The following OR14L1 variants were observed in gnomAD, a reference collection of about 807,000 sequenced individuals.
The protein encoded by OR14L1 is olfactory receptor family 14 subfamily L member 1.
the OR14L1 span, among the ~76,000 whole-genome samples, chr1:247,619,038 T>C: frequency 1.9e-3 from 294 of 152,320 alleles, 2 homozygotes; most frequent in African/African-American, 6.9e-3. Context: ...AATCTTTTAC[T>C]ATAAGAGCCA....
chr1:247,621,489 A>C, the OR14L1 span: 1 of 152,230 alleles, frequency 6.6e-6, no homozygotes, highest in East Asian at 1.9e-4. Flanking sequence ...ATGTGGAATG[A>C]TTAAATCAGG....
At chr1:247,617,247 C>T in the OR14L1 span, 2 of 152,162 alleles carry the variant, frequency 1.3e-5, no homozygotes, top group Non-Finnish European at 2.9e-5. Context: ...AACTTGGAGG[C>T]TACAGCCACA....
the OR14L1 span, chr1:247,620,875 TTAATA>T: frequency 4.3e-4 from 65 of 152,146 alleles, no homozygotes; most frequent in African/African-American, 1.5e-3. Context: ...AACATATTAA[TTAATA>T]TAAAAGTGAA....
At chr1:247,620,930 A>G in the OR14L1 span, 1 of 152,290 alleles carries the variant, frequency 6.6e-6, no homozygotes, top group African/African-American at 2.4e-5. Context: ...GTGTATATTA[A>G]TTACAGCAGA....
chr1:247,620,539 C>T, the OR14L1 span: 1 of 152,256 alleles, frequency 6.6e-6, no homozygotes, highest in Non-Finnish European at 1.5e-5. Context: ...GAAGGCAGCC[C>T]TGAGAAGGCA....
the OR14L1 span, chr1:247,621,124 T>C: frequency 2.0e-5 from 3 of 152,124 alleles, no homozygotes; most frequent in African/African-American, 7.2e-5. Flanking sequence ...GGTTCACATA[T>C]GTTTATGGTG....
the OR14L1 span, chr1:247,619,536 C>A: frequency 2.6e-5 from 4 of 152,004 alleles, no homozygotes; most frequent in African/African-American, 9.7e-5. Context: ...ATATGAGTAA[C>A]CTTATAATTA....
chr1:247,619,057 G>T, the OR14L1 span, among the ~76,000 whole-genome samples: 1 of 152,092 alleles, frequency 6.6e-6, no homozygotes, highest in East Asian at 1.9e-4. Flanking sequence ...CAACCATTGT[G>T]CTTTTTACGT....
chr1:247,617,150 T>G, the OR14L1 span: 1 of 152,222 alleles, frequency 6.6e-6, no homozygotes, highest in African/African-American at 2.4e-5. Context: ...TTACAAATAT[T>G]GAATCACAGC....
At chr1:247,620,386 C>T in the OR14L1 span, 2 of 152,154 alleles carry the variant, frequency 1.3e-5, no homozygotes, top group Non-Finnish European at 2.9e-5. Context: ...GGTTGTAACA[C>T]TCTTTATGAT....
chr1:247,618,029 A>G, the OR14L1 span, among the ~76,000 whole-genome samples: 111 of 152,244 alleles, frequency 7.3e-4, no homozygotes, highest in African/African-American at 2.5e-3. Flanking sequence ...TAGATTCCCA[A>G]GATGAAGTTG....
At chr1:247,619,383 C>A in the OR14L1 span, among the ~76,000 whole-genome samples, 1 of 152,066 alleles carries the variant, frequency 6.6e-6, no homozygotes, top group African/African-American at 2.4e-5. Flanking sequence ...TGAGGTTATT[C>A]ATTCTCCCTT....
At chr1:247,622,197 G>A in the OR14L1 span, 8 of 152,102 alleles carry the variant, frequency 5.3e-5, no homozygotes, top group East Asian at 1.9e-4. Flanking sequence ...CTCACTTCAC[G>A]TCTGTGTGTC....
At chr1:247,622,232 T>G in the OR14L1 span, 1 of 152,194 alleles carries the variant, frequency 6.6e-6, no homozygotes, top group East Asian at 1.9e-4. Context: ...CTCACAATAT[T>G]TCAAACTTTT....
At chr1:247,617,707 TGTGC>T in the OR14L1 span, among the ~76,000 whole-genome samples, 684 of 143,538 alleles carry the variant, frequency 4.8e-3, 9 homozygotes, top group African/African-American at 7.5e-3. Flanking sequence ...TGTGTGTGTG[TGTGC>T]GTGTGTGTGT....
chr1:247,617,711 C>CGTGTGT, the OR14L1 span, among the ~76,000 whole-genome samples: 1 of 144,670 alleles, frequency 6.9e-6, no homozygotes, highest in Admixed American at 6.8e-5. Context: ...TGTGTGTGTG[C>CGTGTGT]GTGTGTGTGT....
At chr1:247,619,625 G>T in the OR14L1 span, 1 of 152,036 alleles carries the variant, frequency 6.6e-6, no homozygotes, top group African/African-American at 2.4e-5. Context: ...TCTTTAGGAA[G>T]AAATGGAACG....
chr1:247,620,981 A>C, the OR14L1 span: 1 of 152,190 alleles, frequency 6.6e-6, no homozygotes, highest in Non-Finnish European at 1.5e-5. Flanking sequence ...TGGAAAATAA[A>C]CATAAGGTAA....
chr1:247,620,789 T>C, the OR14L1 span: 1 of 152,158 alleles, frequency 6.6e-6, no homozygotes, highest in African/African-American at 2.4e-5. Context: ...TTCAAAACAT[T>C]AGAACTTGTG....
Sources: gnomAD v4.1 joint callset for allele counts (sites outside exome capture counted in the v4.1 genomes callset) on GRCh38, gnomAD v4.1.1 for gene constraint, MANE v1.5 for transcripts, NCBI Gene and HGNC (gene_info 2026-07-23, HGNC 2026-07-21) for gene names.